The following RGS7 variants were observed in gnomAD, a reference collection of about 807,000 sequenced individuals.
RGS7 encodes regulator of G protein signaling 7.
Under a neutral mutation model 81.1 loss-of-function variants are expected in RGS7, and 27 were observed. The ratio of observed to expected loss-of-function variants is 0.33; its 90% confidence interval spans 0.25 to 0.46. The LOEUF (loss-of-function observed/expected upper bound fraction) is 0.46, where lower values mean the gene tolerates loss of function less well. Ranked by LOEUF, RGS7 falls within the 20% of genes least tolerant of loss-of-function variation. The pLI is 1.00. For missense variants in RGS7, 396 were observed against 607.4 expected (o/e 0.65, Z 3.66); for synonymous variants, 208 against 207.7 (o/e 1.00, Z -0.01).
rs1491464126 is a variant in RGS7, at chr1:241,087,944, A to AACTC, written c.175+10721_175+10722insGAGT. Among the ~76,000 whole-genome samples, 5 of 116,108 alleles carry AACTC rather than the reference A, an allele frequency of 4.3e-5. No individual in the cohort carries two copies. In the East Asian group the frequency reaches 6.8e-4, roughly 16 times the overall value. The allele number at this position is 116,108 out of a possible 152,430, so 76.2% of individuals were successfully genotyped here. A position where few individuals can be genotyped will look rare whatever the true frequency, so the allele number is the denominator to read the frequency against. ...AGCCTGAGCCACAGAGCAAGACTCC[A>AACTC]TCTCTCTCTCTCTCTCTCTCTCTCT... On this transcript the variant is annotated intron_variant, in intron 3 of 18. Transcript: ENST00000440928.
intron 2 of RGS7, among the ~76,000 whole-genome samples, chr1:241,291,782 G>T (rs980816299): frequency 2.6e-5 from 4 of 151,852 alleles, no homozygotes; most frequent in Non-Finnish European, 4.4e-5. Flanking sequence ...TGCCATGTTG[G>T]GCAGGCTGGT....
intron 4 of RGS7, among the ~76,000 whole-genome samples, chr1:240,948,450 ATTTAT>A (rs551099532): frequency 4.5e-4 from 68 of 152,026 alleles, no homozygotes; most frequent in African/African-American, 1.6e-3. Context: ...TATTTTATTT[ATTTAT>A]TTATTTTTTT....
intron 4 of RGS7, among the ~76,000 whole-genome samples, chr1:240,980,134 T>C (rs1684706527): frequency 6.6e-6 from 1 of 152,206 alleles, no homozygotes; most frequent in Admixed American, 6.5e-5. Flanking sequence ...TATGACTACA[T>C]GTCTAATGGT....
intron 3 of RGS7, among the ~76,000 whole-genome samples, chr1:241,075,633 A>C (rs2148881257): frequency 6.6e-6 from 1 of 152,360 alleles, no homozygotes; most frequent in East Asian, 1.9e-4. Flanking sequence ...TCATGTTTTA[A>C]GAAAGTTTAC....
At chr1:240,921,632 G>A (rs1036838316) in intron 6 of RGS7, among the ~76,000 whole-genome samples, 1 of 151,956 alleles carries the variant, frequency 6.6e-6, no homozygotes, top group African/African-American at 2.4e-5. Context: ...ATGAAAAATT[G>A]AAATATGAAT....
At chr1:241,325,367 C>T (rs1164524851) in intron 2 of RGS7, among the ~76,000 whole-genome samples, 1 of 152,154 alleles carries the variant, frequency 6.6e-6, no homozygotes, top group East Asian at 1.9e-4. Context: ...AACTCATAGG[C>T]CAGGTACTAT....
At chr1:241,302,927 C>G (rs6688681) in intron 2 of RGS7, among the ~76,000 whole-genome samples, 141,912 of 152,016 alleles carry the variant, frequency 0.93, 66,959 homozygotes, top group East Asian at 1. Flanking sequence ...CGTCCGGTAG[C>G]GGTTAAATCA....
intron 6 of RGS7, chr1:240,920,009 C>T: frequency 7.8e-7 from 1 of 1,283,002 alleles, no homozygotes; most frequent in South Asian, 1.2e-5. Flanking sequence ...AAGAACATCA[C>T]CTAAGAGATT....
intron 2 of RGS7, among the ~76,000 whole-genome samples, chr1:241,151,565 C>CTTTT (rs58097674): frequency 2.6e-5 from 3 of 116,486 alleles, no homozygotes; most frequent in African/African-American, 6.6e-5. Flanking sequence ...ATTAGGAACT[C>CTTTT]TTTTTTTTTT....
At chr1:241,254,690 C>A (rs1017334609) in intron 2 of RGS7, among the ~76,000 whole-genome samples, 6 of 152,034 alleles carry the variant, frequency 3.9e-5, no homozygotes, top group Non-Finnish European at 7.4e-5. Flanking sequence ...TTTGAGGTTT[C>A]AATTGTATAA....
chr1:240,891,610 T>C (rs1401665983), intron 6 of RGS7, among the ~76,000 whole-genome samples: 1 of 152,216 alleles, frequency 6.6e-6, no homozygotes, highest in East Asian at 1.9e-4. Context: ...ATTTGTTTAA[T>C]GTGCCAGGCA....
chr1:241,182,376 T>A (rs1233052225), intron 2 of RGS7, among the ~76,000 whole-genome samples: 3 of 152,182 alleles, frequency 2.0e-5, no homozygotes, highest in Non-Finnish European at 4.4e-5. Context: ...GGAGACAGTA[T>A]GCACCTCACC....
At chr1:240,971,173 C>G (rs949530418) in intron 4 of RGS7, among the ~76,000 whole-genome samples, 1 of 152,156 alleles carries the variant, frequency 6.6e-6, no homozygotes, top group Non-Finnish European at 1.5e-5. Context: ...CTCTCCCCTT[C>G]TACCATGTGA....
chr1:240,990,520 A>G (rs1331912130), intron 3 of RGS7, among the ~76,000 whole-genome samples: 1 of 152,214 alleles, frequency 6.6e-6, no homozygotes, highest in Non-Finnish European at 1.5e-5. Flanking sequence ...TGATGTGTAT[A>G]TGATTTTGTG....
At position 241,123,716 on chromosome 1, in the gene RGS7, A is replaced by C. The variant is rs576591908; in HGVS notation, c.79-24954T>G. Among the ~76,000 whole-genome samples the C allele has an allele frequency of 3.3e-5, 5 of 152,306 alleles. No homozygotes were observed. The East Asian group carries it at 9.7e-4, about 29-fold the overall frequency. On this transcript the variant is annotated intron_variant, in intron 2 of 18. Transcript: ENST00000440928. ...TGGTGAGCTGAGATTGCACCATTGC[A>C]CTCCAGCCTGAGCAACGAGAGTGAA...
intron 9 of RGS7, among the ~76,000 whole-genome samples, chr1:240,832,900 G>T (rs1308840729): frequency 2.6e-5 from 4 of 152,032 alleles, no homozygotes; most frequent in African/African-American, 4.8e-5. Context: ...TTATCCTGGG[G>T]GGATATGTTT....
At chr1:241,349,158 T>C (rs889704733) in intron 2 of RGS7, among the ~76,000 whole-genome samples, 7 of 152,180 alleles carry the variant, frequency 4.6e-5, no homozygotes, top group African/African-American at 1.7e-4. Context: ...TTTTTATCAC[T>C]TTATAGATTA....
intron 5 of RGS7, among the ~76,000 whole-genome samples, chr1:240,932,955 C>A (rs1247757727): frequency 7.7e-6 from 1 of 130,530 alleles, no homozygotes; most frequent in Non-Finnish European, 1.6e-5. Flanking sequence ...GCGATCTCGG[C>A]TCACTGCAAG....
At chr1:240,843,392 A>G (rs918008922) in intron 9 of RGS7, among the ~76,000 whole-genome samples, 2 of 151,856 alleles carry the variant, frequency 1.3e-5, no homozygotes, top group African/African-American at 2.4e-5. Flanking sequence ...CAGCCTCCTA[A>G]GTAGCTGAGA....
Sources: allele counts gnomAD v4.1 joint callset (sites outside exome capture counted in the v4.1 genomes callset), GRCh38; gene constraint gnomAD v4.1.1; transcripts MANE v1.5; gene names NCBI Gene and HGNC (gene_info 2026-07-23, HGNC 2026-07-21).